Variants in RAB37 observed in about 807,000 individuals in gnomAD.
The protein encoded by RAB37 is ras-related protein Rab-37.
Under a neutral mutation model 33.1 loss-of-function variants are expected in RAB37, and 29 were observed. The observed-to-expected ratio is 0.88, with a 90% CI of 0.65 to 1.20. RAB37 has a LOEUF of 1.20. Among genes scored for constraint, RAB37 ranks in the 50% most tolerant of loss-of-function variants. The pLI, the probability that RAB37 is intolerant of heterozygous loss-of-function variation, is 0.00. For synonymous variants in RAB37, 128 were observed against 119.5 expected (o/e 1.07, Z -0.47); for missense variants, 299 against 301.1 (o/e 0.99, Z 0.05).
upstream of RAB37, chr17:74,736,756 CTA>C: frequency 6.5e-7 from 1 of 1,535,694 alleles, no homozygotes; most frequent in Non-Finnish European, 8.7e-7. Context: ...GTAAACAAAA[CTA>C]TATTCAGATG....
chr17:74,742,284 G>A lies in RAB37; in HGVS notation c.235G>A (p.Val79Met). The stretch of plus-strand genomic sequence containing the variant: ...GGTGGTGACTGTGGATGGCGTGAGA[G>A]TGAAGCTGCAGGTGAGACCAGAGGC... ...NKVVTVDGVR[V>M]KLQIWDTAGQ... The change falls in exon 3 of 9, where the codon GTG (valine) becomes ATG (methionine). Residue 79 changes from valine (V) to methionine (M), a missense_variant. Transcript: ENST00000392613. The surrounding 1 kb of genome is among the most constrained non-coding windows in gnomAD (Gnocchi z 4.0). The A allele has an allele frequency of 6.2e-7, 1 of 1,613,352 alleles. No individual in the cohort carries two copies. Among genetic ancestry groups the A allele is most frequent in the Non-Finnish European group, 8.5e-7 (1 of 1,179,506 alleles).
intron 1 of RAB37, among the ~76,000 whole-genome samples, chr17:74,684,825 C>T (rs1169565022): frequency 6.6e-6 from 1 of 150,696 alleles, no homozygotes; most frequent in South Asian, 2.1e-4. Flanking sequence ...TGTAAAAATA[C>T]ATGCATGTGT....
Position 74,707,800 on chromosome 17 carries a change from G to A in RAB37, c.73-21456G>A, listed in dbSNP as rs148495771. On this transcript the variant is annotated intron_variant, in intron 1 of 7. Coordinates refer to the RAB37 transcript ENST00000340415. ...TTAATAAACCATGAATAAGATAAAA[G>A]GATATAATAATAAAAGGATATTTAA... Among the ~76,000 whole-genome samples the A allele has an allele frequency of 9.4e-3, 1,423 of 151,710 alleles. 14 individuals are homozygous for A. Among genetic ancestry groups the A allele is most frequent in the Non-Finnish European group, 0.015 (1,003 of 67,926 alleles).
At position 74,704,957 on chromosome 17, in the gene RAB37, C is replaced by T. The variant is rs989259910; in HGVS notation, c.73-24299C>T. The T allele has an allele frequency of 4.6e-5, 32 of 693,142 alleles. No individual in the cohort carries two copies. In the African/African-American group the frequency reaches 5.2e-4, roughly 11 times the overall value. 42.9% of individuals were successfully genotyped at this position (693,142 alleles called of 1,614,324 possible). ...AGAAATACACCTTCCGCAGACAAAACTTTTGTCCTTCAGCTTTCCACTGGG... is the reference window on the plus strand; with the variant it reads ...AGAAATACACCTTCCGCAGACAAAATTTTTGTCCTTCAGCTTTCCACTGGG... On this transcript the variant is annotated intron_variant, in intron 1 of 7. Transcript: ENST00000340415.
At chr17:74,715,982 G>A (rs1447787787) in intron 1 of RAB37, among the ~76,000 whole-genome samples, 2 of 152,056 alleles carry the variant, frequency 1.3e-5, no homozygotes. Context: ...GTAAGCCGAG[G>A]TCACAACACT....
intron 1 of RAB37, among the ~76,000 whole-genome samples, chr17:74,705,663 T>C (rs1232313219): frequency 6.6e-6 from 1 of 152,124 alleles, no homozygotes; most frequent in Non-Finnish European, 1.5e-5. Context: ...GGCTCAATCA[T>C]GGCTCACTGA....
intron 1 of RAB37, 37 bp downstream of exon 1, chr17:74,737,402 C>G: frequency 6.6e-7 from 1 of 1,522,742 alleles, no homozygotes; most frequent in East Asian, 2.4e-5. Context: ...CCGCCCTCCT[C>G]GGCGCTAGCC....
intron 1 of RAB37, among the ~76,000 whole-genome samples, chr17:74,722,034 G>A (rs1195342242): frequency 6.6e-6 from 1 of 152,016 alleles, no homozygotes; most frequent in East Asian, 1.9e-4. Context: ...AGTGGCTCAC[G>A]CCTGTAATCC....
intron 1 of RAB37, among the ~76,000 whole-genome samples, chr17:74,726,233 TAAA>T (rs11422240): frequency 4.7e-5 from 5 of 105,648 alleles, no homozygotes; most frequent in African/African-American, 6.7e-5. Context: ...AGACTCTGCC[TAAA>T]AAAAAAAAAA....
At chr17:74,679,306 A>G (rs1291498927) in intron 1 of RAB37, among the ~76,000 whole-genome samples, 1 of 152,106 alleles carries the variant, frequency 6.6e-6, no homozygotes, top group African/African-American at 2.4e-5. Context: ...GAAGCAGTGT[A>G]AGCTTTGGAA....
chr17:74,731,795 G>A (rs1326955141), intron 2 of RAB37, among the ~76,000 whole-genome samples: 1 of 151,928 alleles, frequency 6.6e-6, no homozygotes, highest in Admixed American at 6.6e-5. Flanking sequence ...ATCACTTGAG[G>A]CCAGGAGTTC....
At chr17:74,704,778 C>G in intron 1 of RAB37, 1 of 1,614,080 alleles carries the variant, frequency 6.2e-7, no homozygotes, top group Non-Finnish European at 8.5e-7. Context: ...AAGCCATTCA[C>G]TGTTGTTGGA....
chr17:74,744,892 G>A lies in RAB37; in HGVS notation c.452G>A (p.Arg151Lys), dbSNP rs1241703012. The A allele has an allele frequency of 1.2e-6, 2 of 1,614,290 alleles. No homozygotes were observed. The highest frequency in any genetic ancestry group is 3.3e-5 in the Admixed American group (2 of 60,036). Residue 151 changes from arginine to lysine, a missense_variant, in exon 7 of 9, where the codon AGA (arginine) becomes AAA (lysine). Coordinates refer to ENST00000392613, the MANE Select transcript of RAB37 (RefSeq NM_001006638.3). This position sits in a 1 kb window ranked among gnomAD's most constrained non-coding sequence, Gnocchi z 4.2. ...LGNKADMSSE[R>K]VIRSEDGETL... ...TGACAGGCGGATATGAGCAGCGAAA[G>A]AGTGATCCGTTCCGAAGACGGAGAG...
chr17:74,698,531 C>G, intron 1 of RAB37: 2 of 1,566,974 alleles, frequency 1.3e-6, no homozygotes, highest in Non-Finnish European at 1.7e-6. Context: ...CCACCTGCCT[C>G]TCAGCCCAAT....
At chr17:74,688,914 G>A (rs928569211) in intron 1 of RAB37, among the ~76,000 whole-genome samples, 4 of 152,180 alleles carry the variant, frequency 2.6e-5, no homozygotes, top group African/African-American at 4.8e-5. Context: ...CCACTTTTCA[G>A]CAGACTTGTA....
chr17:74,675,065 C>T (rs926631258), intron 1 of RAB37, among the ~76,000 whole-genome samples: 2 of 152,154 alleles, frequency 1.3e-5, no homozygotes, highest in African/African-American at 4.8e-5. Flanking sequence ...AATGATAATA[C>T]CTGCCTTATT....
chr17:74,737,458 G>T, intron 1 of RAB37, 93 bp downstream of exon 1: 1 of 1,353,758 alleles, frequency 7.4e-7, no homozygotes, highest in Non-Finnish European at 9.9e-7. Context: ...CCCCCAGGCA[G>T]CTGCGTCTCC....
chr17:74,719,798 T>A (rs1013651030), intron 1 of RAB37, among the ~76,000 whole-genome samples: 8 of 152,194 alleles, frequency 5.3e-5, no homozygotes, highest in Admixed American at 2.0e-4. Flanking sequence ...ATTACAAGTG[T>A]GAGCCACTGT....
At chr17:74,695,526 T>C (rs1021385504) in intron 1 of RAB37, among the ~76,000 whole-genome samples, 1 of 152,190 alleles carries the variant, frequency 6.6e-6, no homozygotes, top group Non-Finnish European at 1.5e-5. Context: ...GGGGACTGTG[T>C]TTGCCAGTCC....
Sources: allele counts gnomAD v4.1 joint callset (sites outside exome capture counted in the v4.1 genomes callset), GRCh38; gene constraint gnomAD v4.1.1; non-coding constraint Gnocchi (gnomAD v3.1); transcripts MANE v1.5; gene names NCBI Gene and HGNC (gene_info 2026-07-23, HGNC 2026-07-21).